The following ZNF678 variants were observed in gnomAD, a reference collection of about 807,000 sequenced individuals.
ZNF678 encodes the protein hypothetical protein MGC42493.
A neutral mutation model predicts 3.0 loss-of-function variants in ZNF678; 5 were observed. The ratio of observed to expected loss-of-function variants is 1.69; its 90% CI spans 0.88 to 3.56. The LOEUF (loss-of-function observed/expected upper bound fraction) is 3.56, where lower values mean the gene tolerates loss of function less well. Ranked by LOEUF, ZNF678 falls within the 30% of genes most tolerant of loss-of-function variation. The pLI is 0.00. For synonymous variants in ZNF678, 218 were observed against 199.6 expected, an observed-to-expected ratio of 1.09 and a Z score of -0.78; for missense variants, 593 against 605.0, an observed-to-expected ratio of 0.98 and a Z score of 0.21.
chr1:227,587,707 A>C (rs1657296785), intron 1 of ZNF678, among the ~76,000 whole-genome samples: 1 of 151,990 alleles, frequency 6.6e-6, no homozygotes, highest in Non-Finnish European at 1.5e-5. Flanking sequence ...GCAGCCAAAG[A>C]TGTTAGGGGA....
intron 1 of ZNF678, among the ~76,000 whole-genome samples, chr1:227,635,811 C>T (rs1232600969): frequency 6.6e-6 from 1 of 152,068 alleles, no homozygotes; most frequent in Non-Finnish European, 1.5e-5. Flanking sequence ...GTGCAGGTAG[C>T]CTTGCACCGT....
intron 1 of ZNF678, among the ~76,000 whole-genome samples, chr1:227,608,053 TA>T (rs1011009109): frequency 4.6e-5 from 7 of 151,196 alleles, no homozygotes; most frequent in East Asian, 1.9e-4. Flanking sequence ...TTTGATTACT[TA>T]AAAAAAAATC....
At chr1:227,664,138 T>G (rs1275751612), downstream of ZNF678, among the ~76,000 whole-genome samples, 1 of 152,164 alleles carries the variant, frequency 6.6e-6, no homozygotes, top group Non-Finnish European at 1.5e-5. Context: ...ATTACACCAC[T>G]GCACTTCAGC....
rs1365559182 is a variant in ZNF678, at chr1:227,655,092, C to T, written c.842C>T (p.Thr281Ile). 1.2e-6 allele frequency: 2 copies of T among 1,612,372 alleles called. No homozygotes were observed. Among genetic ancestry groups the T allele is most frequent in the Admixed American group, 3.4e-5 (2 of 59,600 alleles). Residue 281 changes from threonine to isoleucine, a missense_variant, in exon 4 of 4, where the codon ACT becomes ATT. Coordinates refer to ENST00000343776, the MANE Select transcript of ZNF678 (RefSeq NM_001367909.1). ...GNVFNECSHL[T>I]RHRRIHTGEK... Reference sequence around the variant, plus strand: ...GTTTTTAATGAGTGCTCACACCTAACTAGACATAGGAGAATTCATACTGGA... The same window carrying T: ...GTTTTTAATGAGTGCTCACACCTAATTAGACATAGGAGAATTCATACTGGA...
At chr1:227,630,764 G>T (rs1658528348) in intron 1 of ZNF678, among the ~76,000 whole-genome samples, 1 of 152,152 alleles carries the variant, frequency 6.6e-6, no homozygotes, top group Admixed American at 6.5e-5. Flanking sequence ...GGACCATTTG[G>T]GTTGAAGGGG....
intron 1 of ZNF678, among the ~76,000 whole-genome samples, chr1:227,583,130 A>G (rs920376671): frequency 1.3e-5 from 2 of 152,094 alleles, no homozygotes; most frequent in Non-Finnish European, 2.9e-5. Context: ...TAGAAATAAT[A>G]GATCCGTTGG....
downstream of ZNF678, among the ~76,000 whole-genome samples, chr1:227,679,141 TAA>T (rs1659727997): frequency 6.6e-6 from 1 of 151,576 alleles, no homozygotes; most frequent in Non-Finnish European, 1.5e-5. Context: ...CAAAAAGGCT[TAA>T]ATGAAAATGA....
chr1:227,589,218 G>C (rs899192546), intron 1 of ZNF678, among the ~76,000 whole-genome samples: 2 of 151,676 alleles, frequency 1.3e-5, no homozygotes, highest in African/African-American at 4.9e-5. Context: ...CTTTGCCTGT[G>C]CCTATGTGCT....
chr1:227,597,224 C>T (rs1260204550), intron 1 of ZNF678, among the ~76,000 whole-genome samples: 1 of 152,162 alleles, frequency 6.6e-6, no homozygotes, highest in Non-Finnish European at 1.5e-5. Flanking sequence ...GGAGCATGTC[C>T]TTAAGGCACA....
At chr1:227,669,829 A>C (rs1373282937) in intron 5 of ZNF678, among the ~76,000 whole-genome samples, 2 of 152,168 alleles carry the variant, frequency 1.3e-5, no homozygotes, top group Non-Finnish European at 2.9e-5. Context: ...TTACCATTTG[A>C]CCCAGCAATT....
chr1:227,664,918 C>G (rs935967791), downstream of ZNF678, among the ~76,000 whole-genome samples: 1 of 152,166 alleles, frequency 6.6e-6, no homozygotes. Context: ...CAGTCCCCTA[C>G]GGAGACTGGA....
At chr1:227,648,725 G>A (rs1021493155) in intron 2 of ZNF678, among the ~76,000 whole-genome samples, 12 of 152,120 alleles carry the variant, frequency 7.9e-5, no homozygotes, top group African/African-American at 2.2e-4. Context: ...AAGCAGAGGC[G>A]GGAGAATTTG....
chr1:227,622,292 A>G (rs1658300531), intron 1 of ZNF678, among the ~76,000 whole-genome samples: 1 of 152,238 alleles, frequency 6.6e-6, no homozygotes, highest in Non-Finnish European at 1.5e-5. Flanking sequence ...AACAATTGCC[A>G]ATACAAAGTC....
chr1:227,591,356 C>T (rs1657408769), intron 1 of ZNF678, among the ~76,000 whole-genome samples: 2 of 152,164 alleles, frequency 1.3e-5, no homozygotes, highest in African/African-American at 4.8e-5. Context: ...TGAAGGTAGA[C>T]AGGATTTTTT....
chr1:227,603,112 C>G (rs760983105), intron 1 of ZNF678, among the ~76,000 whole-genome samples: 1 of 152,192 alleles, frequency 6.6e-6, no homozygotes, highest in Non-Finnish European at 1.5e-5. Flanking sequence ...TACTGCCTGG[C>G]TGCCTCAGCA....
chr1:227,670,918 A>G (rs953613869), intron 5 of ZNF678, among the ~76,000 whole-genome samples: 46 of 151,728 alleles, frequency 3.0e-4, no homozygotes, highest in African/African-American at 1.1e-3. Context: ...TCAGACCACC[A>G]GGAATCCTTC....
Position 227,655,110 on chromosome 1 carries a change from A to C in ZNF678, c.860A>C (p.His287Pro). 6.2e-7 allele frequency: 1 copy of C among 1,613,192 alleles called. No individual in the cohort carries two copies. The highest frequency in any genetic ancestry group is 8.5e-7 in the Non-Finnish European group (1 of 1,179,614). The change falls in exon 4 of 4, where the codon CAT (histidine) becomes CCT (proline). Residue 287 changes from histidine to proline, a missense_variant. Coordinates refer to ENST00000343776, the MANE Select transcript of ZNF678 (RefSeq NM_001367909.1). ...CACCTAACTAGACATAGGAGAATTC[A>C]TACTGGAGAGAAACCCTACAAATGT... Reference protein sequence around the residue: ...CSHLTRHRRIHTGEKPYKCEE... With the variant: ...CSHLTRHRRIPTGEKPYKCEE...
chr1:227,625,182 A>G (rs1039927508), intron 1 of ZNF678, among the ~76,000 whole-genome samples: 30 of 152,140 alleles, frequency 2.0e-4, no homozygotes, highest in African/African-American at 7.2e-4. Context: ...GCTGAGTTAC[A>G]AGCCCCGTGT....
chr1:227,626,085 G>A (rs529117742), intron 1 of ZNF678, among the ~76,000 whole-genome samples: 1 of 152,298 alleles, frequency 6.6e-6, no homozygotes, highest in Non-Finnish European at 1.5e-5. Context: ...GCAGTATGGA[G>A]CTACTGGTAG....
Sources: gnomAD v4.1 joint callset for allele counts (sites outside exome capture counted in the v4.1 genomes callset) on GRCh38, gnomAD v4.1.1 for gene constraint, MANE v1.5 for transcripts, NCBI Gene and HGNC (gene_info 2026-07-23, HGNC 2026-07-21) for gene names.